Variants in CARMIL3 observed in about 807,000 individuals in gnomAD.
CARMIL3 encodes the protein capping protein, Arp2/3 and myosin-I linker protein 3.
CARMIL3 carries 88 observed loss-of-function variants against 180.8 expected under a neutral mutation model. That is an observed-to-expected ratio of 0.49 (90% CI 0.41 to 0.58). The LOEUF (loss-of-function observed/expected upper bound fraction) is 0.58, where lower values mean the gene tolerates loss of function less well. CARMIL3 is among the 20% of genes least tolerant of loss of function. The pLI is 0.00. For missense variants in CARMIL3, 1,548 were observed against 1,787.0 expected, an observed-to-expected ratio of 0.87 and a Z score of 2.41; for synonymous variants, 696 against 714.5, an observed-to-expected ratio of 0.97 and a Z score of 0.41.
In CARMIL3 at chr14:24,059,262, C is replaced by CA. The variant is rs2035705377; in HGVS notation, c.1627-8_1627-7insA. On this transcript the variant is annotated splice_polypyrimidine_tract_variant and splice_region_variant and intron_variant, in intron 20 of 39. Coordinates refer to ENST00000342740, the MANE Select transcript of CARMIL3 (RefSeq NM_138360.4). This position sits in a 1 kb window ranked among gnomAD's most constrained non-coding sequence, Gnocchi z 6.3. ...GGGACTGGGTCCAACCGCCCCTTGC[C>CA]CACACAGTCCCTGCAGTCACTGTCG... The CA allele has an allele frequency of 1.7e-5, 27 of 1,613,736 alleles. No homozygotes were observed. Among genetic ancestry groups the CA allele is most frequent in the Admixed American group, 1.5e-4 (9 of 60,010 alleles).
intron 8 of CARMIL3, 94 bp from the exon 9 acceptor site, chr14:24,055,449 G>A (rs2035662589): frequency 6.6e-7 from 1 of 1,511,622 alleles, no homozygotes. Context: ...ACCCATTTAG[G>A]CCTTCCCCAG....
At position 24,068,667 on chromosome 14, in the gene CARMIL3, T is replaced by C; in HGVS notation, c.3766T>C (p.Phe1256Leu). The change falls in exon 37 of 40, where the codon TTC (phenylalanine) becomes CTC (leucine). Residue 1256 changes from phenylalanine to leucine, a missense_variant. By Grantham distance (22) the Phe-to-Leu change is conservative. Transcript: ENST00000342740. ...DGEEEKEGTL[F>L]PERTLPARNA... ...GGAAGAGGAGAAGGAGGGGACCCTC[T>C]TCCCAGAGAGGACACTTCCAGCTAG... is the stretch of plus-strand genomic sequence containing the variant. The C allele has an allele frequency of 4.3e-6, 7 of 1,613,928 alleles. No individual in the cohort carries two copies. Among genetic ancestry groups the C allele is most frequent in the South Asian group, 2.2e-5 (2 of 91,052 alleles).
intron 1 of CARMIL3, among the ~76,000 whole-genome samples, chr14:24,052,657 T>C (rs901024245): frequency 6.6e-6 from 1 of 152,106 alleles, no homozygotes; most frequent in Non-Finnish European, 1.5e-5. Flanking sequence ...GAAGAGCCCC[T>C]TAGGAGCTGG....
chr14:24,055,418 A>G, intron 8 of CARMIL3, 108 bp downstream of exon 8: 2 of 1,484,038 alleles, frequency 1.3e-6, no homozygotes, highest in Non-Finnish European at 1.9e-6. Flanking sequence ...CTATCTCCCC[A>G]ACTCCATCCC....
rs1375528738 is a variant in CARMIL3 at position 24,056,340 on chromosome 14, G to A, written c.812G>A (p.Gly271Glu). Residue 271 changes from glycine (G) to glutamate (E), a missense_variant, in exon 11 of 40, where the codon GGG becomes GAG. By Grantham distance (98) the Gly-to-Glu change is moderately conservative. Coordinates refer to ENST00000342740, the MANE Select transcript of CARMIL3 (RefSeq NM_138360.4). ...QKLAGVFGEN[G>E]SCVLHALTLS... Reference sequence around the variant, plus strand: ...CTGGCCGGGGTGTTTGGGGAGAACGGGAGCTGTGTGCTGCATGCCCTCACT... The same window carrying A: ...CTGGCCGGGGTGTTTGGGGAGAACGAGAGCTGTGTGCTGCATGCCCTCACT... The A allele has an allele frequency of 5.6e-6, 9 of 1,613,980 alleles. No homozygotes were observed. In the South Asian group the frequency reaches 7.7e-5, roughly 14 times the overall value.
At chr14:24,068,724 G>A (rs2035819636) in intron 37 of CARMIL3, 22 bp downstream of exon 37, 1 of 1,613,354 alleles carries the variant, frequency 6.2e-7, no homozygotes. Flanking sequence ...CAAGATGGGT[G>A]GGGGAGGCAC....
Position 24,064,984 on chromosome 14 carries a change from G to T in CARMIL3, c.3107G>T (p.Arg1036Leu). The T allele has an allele frequency of 1.2e-6, 2 of 1,612,172 alleles. No individual in the cohort carries two copies. The highest frequency in any genetic ancestry group is 1.1e-5 in the South Asian group (1 of 91,046). Residue 1036 changes from arginine (R) to leucine (L), a missense_variant, in exon 33 of 40, where the codon CGG (arginine) becomes CTG (leucine). Transcript: ENST00000342740. ...SSYPRTLRTV[R>L]PGLSEAPLPP... ...TACCCCCGGACTCTGAGGACCGTGC[G>T]GCCAGGACTCTCGGAGGCACCGCTG...
chr14:24,063,128 GGCCATC>G lies in CARMIL3; in HGVS notation c.2716_2721del (p.Ala906_Ile907del). 1 of 1,613,428 alleles carries G rather than the reference GGCCATC, an allele frequency of 6.2e-7. No homozygotes were observed. Among genetic ancestry groups the G allele is most frequent in the South Asian group, 1.1e-5 (1 of 91,074 alleles). On this transcript the variant is annotated inframe_deletion, in exon 30 of 40. Transcript: ENST00000342740. Reference sequence around the variant, plus strand: ...CGTCTTCATTTCTGCAGGACACCATGGCCATCAAAAAGCAGAAACGCTGCCGCAAGA... The same window carrying G: ...CGTCTTCATTTCTGCAGGACACCATGAAAAAGCAGAAACGCTGCCGCAAGA...
intron 13 of CARMIL3, 52 bp downstream of exon 13, chr14:24,057,076 A>C: frequency 6.3e-7 from 1 of 1,597,896 alleles, no homozygotes; most frequent in African/African-American, 1.3e-5. Flanking sequence ...CTTAAGCTTC[A>C]GGAGCTGGGA....
At chr14:24,062,616 C>T (rs1412011366) in intron 28 of CARMIL3, 49 bp downstream of exon 28, 3 of 1,613,450 alleles carry the variant, frequency 1.9e-6, no homozygotes, top group Non-Finnish European at 1.7e-6. Flanking sequence ...CCCTCCACCC[C>T]ACATTATCCT....
chr14:24,059,670 C>A lies in CARMIL3; in HGVS notation c.1806C>A (p.Ile602=). 1.2e-6 allele frequency: 2 copies of A among 1,614,028 alleles called. No homozygotes were observed. Among genetic ancestry groups the A allele is most frequent in the South Asian group, 2.2e-5 (2 of 91,062 alleles). The part of the protein sequence containing the change: ...ALQINSSLRT[I]LWDRNNTSAL... ...GTGCTTACCCTCCCCCCAGAACTAT[C>A]CTATGGGATCGGAACAATACATCTG... Residue 602 remains isoleucine (I), a synonymous_variant, in exon 22 of 40, where the codon ATC becomes ATA. Coordinates refer to ENST00000342740, the MANE Select transcript of CARMIL3 (RefSeq NM_138360.4). This position sits in a 1 kb window ranked among gnomAD's most constrained non-coding sequence, Gnocchi z 6.3.
At position 24,053,704 on chromosome 14, in the gene CARMIL3, C is replaced by G. The variant is rs75299776; in HGVS notation, c.41-5C>G. Reference sequence around the variant, plus strand: ...AGCTCTGAGCAGGCTCCCACCCCCCCTCAGACAGCATCCGGAGGTGCCTGA... The same window carrying G: ...AGCTCTGAGCAGGCTCCCACCCCCCGTCAGACAGCATCCGGAGGTGCCTGA... On this transcript the variant is annotated splice_region_variant and splice_polypyrimidine_tract_variant and intron_variant, in intron 1 of 39. Coordinates refer to ENST00000342740, the MANE Select transcript of CARMIL3 (RefSeq NM_138360.4). 629 of 1,605,850 alleles carry G rather than the reference C, an allele frequency of 3.9e-4. 8 individuals are homozygous for G. The East Asian group carries it at 0.013, about 33-fold the overall frequency.
chr14:24,066,153 G>T (rs2035784553), intron 34 of CARMIL3, among the ~76,000 whole-genome samples: 1 of 152,124 alleles, frequency 6.6e-6, no homozygotes, highest in Non-Finnish European at 1.5e-5. Flanking sequence ...TTTTGAATGA[G>T]TCGTGTTTTT....
At position 24,060,727 on chromosome 14, in the gene CARMIL3, C is replaced by T; in HGVS notation, c.2161C>T (p.Leu721Phe). 1 of 1,614,000 alleles carries T rather than the reference C, an allele frequency of 6.2e-7. No homozygotes were observed. Among genetic ancestry groups the T allele is most frequent in the Middle Eastern group, 1.6e-4 (1 of 6,062 alleles). ...VQDELLYARD[L>F]IKDAKNSRAL... ...GGATGAGCTACTCTACGCTCGGGACCTCATCAAAGATGCCAAGAACTCCCG... is the reference window on the plus strand; with the variant it reads ...GGATGAGCTACTCTACGCTCGGGACTTCATCAAAGATGCCAAGAACTCCCG... The change falls in exon 25 of 40, where the codon CTC becomes TTC. Residue 721 changes from leucine to phenylalanine, a missense_variant. Physicochemically the swap from Leu to Phe is conservative, Grantham distance 22. This residue lies in a region of CARMIL3 where 297 missense variants were observed against 415.9 expected (regional missense o/e 0.71). Transcript: ENST00000342740.
In CARMIL3 at chr14:24,052,079, C is replaced by A; in HGVS notation, c.-75C>A. 6.9e-7 allele frequency: 1 copy of A among 1,443,362 alleles called. No individual in the cohort carries two copies. Among genetic ancestry groups the A allele is most frequent in the Non-Finnish European group, 9.2e-7 (1 of 1,092,738 alleles). 89.4% of individuals were successfully genotyped at this position (1,443,362 alleles called of 1,614,324 possible). A position where few individuals can be genotyped will look rare whatever the true frequency, so the allele number is the denominator to read the frequency against. ...CTCAGCGCCCGGGCCCTGCTGAAGC[C>A]GGGTCTAGCATGTGCCGCGGCTCCC... On this transcript the variant is annotated 5_prime_UTR_variant, in exon 1 of 40. Transcript: ENST00000342740.
In CARMIL3 at chr14:24,058,884, C is replaced by T; in HGVS notation, c.1475-6C>T. 5 of 1,614,194 alleles carry T rather than the reference C, an allele frequency of 3.1e-6. No individual in the cohort carries two copies. Among genetic ancestry groups the T allele is most frequent in the Non-Finnish European group, 3.4e-6 (4 of 1,180,020 alleles). On this transcript the variant is annotated splice_region_variant and splice_polypyrimidine_tract_variant and intron_variant, in intron 18 of 39. Coordinates refer to ENST00000342740, the MANE Select transcript of CARMIL3 (RefSeq NM_138360.4). The surrounding 1 kb of genome is among the most constrained non-coding windows in gnomAD (Gnocchi z 6.4). Reference sequence around the variant, plus strand: ...CCAGGCCAGGCCTCTCCCATCTGCTCACCAGGGTTCGACTCGGACCTCCTG... The same window carrying T: ...CCAGGCCAGGCCTCTCCCATCTGCTTACCAGGGTTCGACTCGGACCTCCTG...
In CARMIL3 at chr14:24,059,882, G is replaced by A; in HGVS notation, c.1869-88G>A. The A allele has an allele frequency of 6.5e-7, 1 of 1,537,756 alleles. No individual in the cohort carries two copies. ...CATGGAAGACAGAAATGATGAGCAA[G>A]GGGGCTGGAGGGCTGCTCACCAACA... On this transcript the variant is annotated intron_variant, in intron 22 of 39. Coordinates refer to ENST00000342740, the MANE Select transcript of CARMIL3 (RefSeq NM_138360.4). The surrounding 1 kb of genome is among the most constrained non-coding windows in gnomAD (Gnocchi z 6.3).
Position 24,069,531 on chromosome 14 carries a change from C to T in CARMIL3, c.*127C>T. 1 of 1,250,754 alleles carries T rather than the reference C, an allele frequency of 8.0e-7. No homozygotes were observed. Among genetic ancestry groups the T allele is most frequent in the Non-Finnish European group, 1.1e-6 (1 of 891,094 alleles). The allele number at this position is 1,250,754 out of a possible 1,614,324, so 77.5% of individuals were successfully genotyped here. ...ACAGGGGCAAGACGGCAGGACCAGG[C>T]ATGGGGGAGCTGGAGGCAGGGACTA... On this transcript the variant is annotated 3_prime_UTR_variant, in exon 40 of 40. Coordinates refer to ENST00000342740, the MANE Select transcript of CARMIL3 (RefSeq NM_138360.4).
At chr14:24,062,878 A>AT in intron 29 of CARMIL3, 32 bp downstream of exon 29, 1 of 1,582,946 alleles carries the variant, frequency 6.3e-7, no homozygotes, top group Non-Finnish European at 8.6e-7. Context: ...CCTCCTTAAT[A>AT]ACCTGGGCCC....
Sources: allele counts gnomAD v4.1 joint callset (sites outside exome capture counted in the v4.1 genomes callset), GRCh38; gene constraint gnomAD v4.1.1; regional missense constraint gnomAD v4.1.1; non-coding constraint Gnocchi (gnomAD v3.1); transcripts MANE v1.5; gene names NCBI Gene and HGNC (gene_info 2026-07-23, HGNC 2026-07-21).